KCTD8: variants seen among roughly 807,000 people sequenced by gnomAD.
KCTD8 encodes the protein BTB/POZ domain-containing protein KCTD8.
A neutral mutation model predicts 31.5 loss-of-function variants in KCTD8; 27 were observed. The ratio of observed to expected loss-of-function variants is 0.86; its 90% CI spans 0.63 to 1.18. KCTD8 has a LOEUF of 1.18. KCTD8 is among the 50% of genes most tolerant of loss of function. KCTD8 has a pLI of 0.00. For missense variants in KCTD8, 658 were observed against 647.7 expected, an observed-to-expected ratio of 1.02 and a Z score of -0.17; for synonymous variants, 290 against 280.0, an observed-to-expected ratio of 1.04 and a Z score of -0.36.
intron 1 of KCTD8, among the ~76,000 whole-genome samples, chr4:44,319,605 T>G (rs2109405070): frequency 6.6e-6 from 1 of 152,244 alleles, no homozygotes; most frequent in Middle Eastern, 3.4e-3. Flanking sequence ...GGAGATGAGT[T>G]GTCTAGTTAA....
chr4:44,418,139 GA>G (rs1712747668), intron 1 of KCTD8, among the ~76,000 whole-genome samples: 1 of 152,126 alleles, frequency 6.6e-6, no homozygotes, highest in South Asian at 2.1e-4. Context: ...CTCTGCAATG[GA>G]GAAAATTGGG....
intron 1 of KCTD8, among the ~76,000 whole-genome samples, chr4:44,443,720 G>A (rs1268829658): frequency 1.3e-5 from 2 of 151,984 alleles, no homozygotes; most frequent in African/African-American, 2.4e-5. Flanking sequence ...ACTGTTAGAA[G>A]AGCAATACAT....
intron 1 of KCTD8, among the ~76,000 whole-genome samples, chr4:44,319,325 G>C (rs760005362): frequency 6.6e-6 from 1 of 152,074 alleles, no homozygotes; most frequent in East Asian, 1.9e-4. Flanking sequence ...TTGGAGTTTC[G>C]CCCAGCAGGG....
intron 1 of KCTD8, among the ~76,000 whole-genome samples, chr4:44,175,524 A>G (rs1467458953): frequency 2.6e-5 from 4 of 152,202 alleles, no homozygotes; most frequent in Admixed American, 2.6e-4. Flanking sequence ...GACCATCAAT[A>G]GCTTCATATT....
chr4:44,187,958 AACACACACAC>A (rs143071896), intron 1 of KCTD8, among the ~76,000 whole-genome samples: 8,802 of 144,630 alleles, frequency 0.061, 317 homozygotes, highest in East Asian at 0.13. Context: ...GGAAGAGGTA[AACACACACAC>A]ACACACACAC....
chr4:44,208,870 A>C (rs1056633943), intron 1 of KCTD8, among the ~76,000 whole-genome samples: 1 of 152,206 alleles, frequency 6.6e-6, no homozygotes, highest in Non-Finnish European at 1.5e-5. Context: ...GGTAACCGGT[A>C]TCCAGAAAGA....
chr4:44,217,544 C>A (rs187323673), intron 1 of KCTD8, among the ~76,000 whole-genome samples: 1 of 152,054 alleles, frequency 6.6e-6, no homozygotes, highest in African/African-American at 2.4e-5. Flanking sequence ...GTATTGTTTC[C>A]GGGTGTGTCT....
intron 1 of KCTD8, among the ~76,000 whole-genome samples, chr4:44,269,304 T>A (rs1267774722): frequency 6.6e-6 from 1 of 152,132 alleles, no homozygotes; most frequent in African/African-American, 2.4e-5. Flanking sequence ...ATTTCCTATT[T>A]AATAAATGGT....
intron 1 of KCTD8, among the ~76,000 whole-genome samples, chr4:44,376,891 T>C (rs538609459): frequency 9.9e-5 from 15 of 152,126 alleles, no homozygotes; most frequent in Admixed American, 4.6e-4. Flanking sequence ...GCAAGCGGCA[T>C]GGAAAGATGT....
At chr4:44,320,522 T>C (rs751843442) in intron 1 of KCTD8, among the ~76,000 whole-genome samples, 2 of 152,184 alleles carry the variant, frequency 1.3e-5, no homozygotes, top group Non-Finnish European at 2.9e-5. Context: ...TTTTTCCCTA[T>C]AAATATTGTG....
intron 1 of KCTD8, among the ~76,000 whole-genome samples, chr4:44,208,302 AC>A (rs1396068014): frequency 6.6e-6 from 1 of 152,158 alleles, no homozygotes; most frequent in Non-Finnish European, 1.5e-5. Context: ...GTCACATCTA[AC>A]ATCTGCCCCT....
chr4:44,219,315 G>T (rs1203866367), intron 1 of KCTD8, among the ~76,000 whole-genome samples: 1 of 152,174 alleles, frequency 6.6e-6, no homozygotes, highest in Non-Finnish European at 1.5e-5. Flanking sequence ...ATCCCCAAAA[G>T]GTATGTTGAA....
At chr4:44,244,921 G>T (rs1227894256) in intron 1 of KCTD8, among the ~76,000 whole-genome samples, 2 of 150,250 alleles carry the variant, frequency 1.3e-5, no homozygotes, top group Admixed American at 6.7e-5. Context: ...TTGTTAATCT[G>T]TCTTTTAACA....
chr4:44,265,243 G>A (rs554328894), intron 1 of KCTD8, among the ~76,000 whole-genome samples: 90 of 152,214 alleles, frequency 5.9e-4, no homozygotes, highest in Middle Eastern at 3.4e-3. Context: ...ACGAAAATCC[G>A]CTGTTCTGCA....
intron 1 of KCTD8, among the ~76,000 whole-genome samples, chr4:44,418,337 A>C (rs1278469453): frequency 1.3e-5 from 2 of 152,180 alleles, no homozygotes; most frequent in East Asian, 3.9e-4. Flanking sequence ...CAGAAATTGA[A>C]AATGAGGCAA....
intron 1 of KCTD8, among the ~76,000 whole-genome samples, chr4:44,268,064 T>A (rs190460886): frequency 2.6e-5 from 4 of 152,188 alleles, no homozygotes; most frequent in East Asian, 1.9e-4. Flanking sequence ...TCATCCTGAT[T>A]CCAAAGCCTG....
chr4:44,372,071 T>G (rs752561338), intron 1 of KCTD8, among the ~76,000 whole-genome samples: 4 of 152,228 alleles, frequency 2.6e-5, no homozygotes, highest in African/African-American at 7.2e-5. Flanking sequence ...CTTTTTCTAA[T>G]TGAAATAGCA....
intron 1 of KCTD8, among the ~76,000 whole-genome samples, chr4:44,439,905 T>G (rs934664446): frequency 9.7e-6 from 1 of 103,252 alleles, no homozygotes; most frequent in Non-Finnish European, 1.6e-5. Flanking sequence ...TTTATTTTTA[T>G]TTATTTATTT....
intron 1 of KCTD8, among the ~76,000 whole-genome samples, chr4:44,318,607 T>A (rs2109404428): frequency 6.6e-6 from 1 of 152,278 alleles, no homozygotes; most frequent in African/African-American, 2.4e-5. Context: ...TTGGATACCT[T>A]GGAGATAGGT....
Sources: allele counts gnomAD v4.1 joint callset (sites outside exome capture counted in the v4.1 genomes callset), GRCh38; gene constraint gnomAD v4.1.1; transcripts MANE v1.5; gene names NCBI Gene and HGNC (gene_info 2026-07-23, HGNC 2026-07-21).